Variants in ZBTB20 observed in about 807,000 individuals in gnomAD.
ZBTB20 encodes zinc finger and BTB domain-containing protein 20.
In ZBTB20, 9 loss-of-function variants were observed where a neutral mutation model predicts 56.9. That is an observed-to-expected ratio of 0.16 (90% CI 0.10 to 0.28). The LOEUF (loss-of-function observed/expected upper bound fraction) is 0.28. Among genes scored for constraint, ZBTB20 ranks in the 10% least tolerant of loss-of-function variants. The pLI is 1.00. For synonymous variants in ZBTB20, 417 were observed against 420.7 expected (o/e 0.99, Z 0.11); for missense variants, 655 against 1,003.0 (o/e 0.65, Z 4.69).
chr3:115,063,237 T>C (rs1490847382), intron 2 of ZBTB20, among the ~76,000 whole-genome samples: 1 of 152,166 alleles, frequency 6.6e-6, no homozygotes, highest in African/African-American at 2.4e-5. Flanking sequence ...GGTATCTGAG[T>C]TCAGGGTGCA....
chr3:114,349,661 G>C (rs965988762), intron 11 of ZBTB20, among the ~76,000 whole-genome samples: 2 of 152,008 alleles, frequency 1.3e-5, no homozygotes, highest in African/African-American at 4.8e-5. Context: ...CCACCTTTTG[G>C]AGCCAAACTA....
intron 5 of ZBTB20, among the ~76,000 whole-genome samples, chr3:114,788,870 T>C (rs2070743607): frequency 2.0e-5 from 3 of 152,148 alleles, no homozygotes; most frequent in African/African-American, 7.2e-5. Flanking sequence ...AAGACATGTC[T>C]TATATGGAGG....
intron 3 of ZBTB20, among the ~76,000 whole-genome samples, chr3:114,949,075 GTAAA>G (rs1393968069): frequency 6.8e-6 from 1 of 146,042 alleles, no homozygotes; most frequent in African/African-American, 2.8e-5. Context: ...TGATGCAAGG[GTAAA>G]TAAATAGATT....
At position 114,686,405 on chromosome 3, in the gene ZBTB20, A is replaced by G. The variant is rs2062346067; in HGVS notation, c.-295+7123T>C. Among the ~76,000 whole-genome samples the G allele has an allele frequency of 3.3e-5, 5 of 152,214 alleles. No individual in the cohort carries two copies. The South Asian group carries it at 1.0e-3, about 31-fold the overall frequency. On this transcript the variant is annotated intron_variant, in intron 6 of 11. Transcript: ENST00000675478. ...ACAACTGAGGAGGATAGTATGAGAGATGCTGTGCAGGAAACAAGCAAATAA... is the reference window on the plus strand; with the variant it reads ...ACAACTGAGGAGGATAGTATGAGAGGTGCTGTGCAGGAAACAAGCAAATAA...
chr3:114,959,126 G>A (rs1474720272), intron 3 of ZBTB20, among the ~76,000 whole-genome samples: 1 of 152,060 alleles, frequency 6.6e-6, no homozygotes, highest in African/African-American at 2.4e-5. Flanking sequence ...TTCCCCTAAT[G>A]AGCACTAATG....
intron 5 of ZBTB20, among the ~76,000 whole-genome samples, chr3:114,747,952 C>CAAAAAAA (rs2067188017): frequency 7.2e-6 from 1 of 139,134 alleles, no homozygotes; most frequent in African/African-American, 3.3e-5. Flanking sequence ...AAAAAAAAAC[C>CAAAAAAA]AAGATTGAGA....
At chr3:114,639,716 G>A (rs2059454895) in intron 6 of ZBTB20, among the ~76,000 whole-genome samples, 1 of 151,922 alleles carries the variant, frequency 6.6e-6, no homozygotes, top group South Asian at 2.1e-4. Context: ...CAATAATTTA[G>A]CAATAGTTAG....
chr3:114,887,182 T>G (rs948171898), intron 4 of ZBTB20, among the ~76,000 whole-genome samples: 14 of 152,206 alleles, frequency 9.2e-5, no homozygotes, highest in African/African-American at 3.1e-4. Context: ...TGGGCCCTCA[T>G]GACCCACCTC....
chr3:114,346,082 G>A (rs2080162117), intron 11 of ZBTB20, among the ~76,000 whole-genome samples: 1 of 152,114 alleles, frequency 6.6e-6, no homozygotes, highest in Admixed American at 6.5e-5. Flanking sequence ...AGTCCTCCGT[G>A]GTTTGTTTAG....
At chr3:114,900,494 C>A (rs975180397) in intron 3 of ZBTB20, 152 bp from the exon 4 acceptor site, 2 of 138,948 alleles carry the variant, frequency 1.4e-5, no homozygotes, top group Admixed American at 7.9e-5. Context: ...TAGGATATTT[C>A]ATATATCTGA....
At chr3:114,538,417 A>G (rs957564469) in intron 6 of ZBTB20, among the ~76,000 whole-genome samples, 1 of 152,114 alleles carries the variant, frequency 6.6e-6, no homozygotes, top group Non-Finnish European at 1.5e-5. Context: ...TTTATCATCT[A>G]TTACACAAAC....
intron 1 of ZBTB20, among the ~76,000 whole-genome samples, chr3:115,131,155 T>G (rs964398744): frequency 6.6e-6 from 1 of 152,180 alleles, no homozygotes. Context: ...CAACTTTTCT[T>G]TTCCTTTATT....
chr3:114,853,407 T>A (rs995126999), intron 4 of ZBTB20, among the ~76,000 whole-genome samples: 5 of 152,254 alleles, frequency 3.3e-5, no homozygotes, highest in African/African-American at 9.6e-5. Context: ...AAAGGCTTTT[T>A]TATATGCATC....
At chr3:114,709,255 T>C (rs1313477456) in intron 5 of ZBTB20, among the ~76,000 whole-genome samples, 1 of 152,164 alleles carries the variant, frequency 6.6e-6, no homozygotes, top group Non-Finnish European at 1.5e-5. Flanking sequence ...TTCATAGTTC[T>C]TCTCATTCTC....
At position 114,351,383 on chromosome 3, in the gene ZBTB20, A is replaced by G; in HGVS notation, c.695T>C (p.Leu232Pro). 1 of 1,611,796 alleles carries G rather than the reference A, an allele frequency of 6.2e-7. No homozygotes were observed. ...GQSSDTESGY[L>P]QSHPQHSVDR... is the part of the protein sequence containing the mutation. ...CACGCTGTGCTGTGGGTGGCTCTGC[A>G]GGTAGCCCGACTCCGTGTCGCTGCT... The change falls in exon 11 of 12, where the codon CTG becomes CCG. Residue 232 changes from leucine (L) to proline (P), a missense_variant. By Grantham distance (98) the Leu-to-Pro change is moderately conservative. Coordinates refer to ENST00000675478, the MANE Select transcript of ZBTB20 (RefSeq NM_001348800.3).
intron 6 of ZBTB20, among the ~76,000 whole-genome samples, chr3:114,629,125 C>T (rs1316232121): frequency 1.3e-5 from 2 of 152,140 alleles, no homozygotes; most frequent in African/African-American, 4.8e-5. Context: ...AGATTCAGGG[C>T]TCATAGGCAG....
intron 4 of ZBTB20, among the ~76,000 whole-genome samples, chr3:114,848,509 C>T (rs1278463067): frequency 6.6e-6 from 1 of 152,134 alleles, no homozygotes; most frequent in Non-Finnish European, 1.5e-5. Context: ...AGCTCTCGTC[C>T]AAACAGAGAA....
intron 6 of ZBTB20, among the ~76,000 whole-genome samples, chr3:114,595,771 A>G (rs1461726484): frequency 6.6e-6 from 1 of 152,198 alleles, no homozygotes; most frequent in Non-Finnish European, 1.5e-5. Flanking sequence ...TCCTTCCTTT[A>G]GAGTTCATAT....
At chr3:114,724,669 T>C (rs1297891031) in intron 5 of ZBTB20, among the ~76,000 whole-genome samples, 1 of 152,186 alleles carries the variant, frequency 6.6e-6, no homozygotes, top group Non-Finnish European at 1.5e-5. Flanking sequence ...GATAATTAAC[T>C]AGAATGCCTG....
Sources: allele counts gnomAD v4.1 joint callset (sites outside exome capture counted in the v4.1 genomes callset), GRCh38; gene constraint gnomAD v4.1.1; transcripts MANE v1.5; gene names NCBI Gene and HGNC (gene_info 2026-07-23, HGNC 2026-07-21).